The following PTPRF variants were observed in gnomAD, a reference collection of about 807,000 sequenced individuals.
PTPRF encodes the protein receptor-type tyrosine-protein phosphatase F.
A neutral mutation model predicts 201.8 loss-of-function variants in PTPRF; 59 were observed. That is an observed-to-expected ratio of 0.29 (90% CI 0.24 to 0.36). The LOEUF (loss-of-function observed/expected upper bound fraction) is 0.36, where lower values mean the gene tolerates loss of function less well. Among genes scored for constraint, PTPRF ranks in the 10% least tolerant of loss-of-function variants. PTPRF has a pLI of 1.00. For synonymous variants in PTPRF, 1,088 were observed against 1,089.7 expected (o/e 1.00, Z 0.03); for missense variants, 2,132 against 2,690.5 (o/e 0.79, Z 4.59).
intron 6 of PTPRF, among the ~76,000 whole-genome samples, chr1:43,574,101 A>G (rs1315263240): frequency 6.8e-6 from 1 of 146,540 alleles, no homozygotes. Context: ...GGTTCAAGCA[A>G]TTCTCCTGCC....
In PTPRF at chr1:43,620,450, A is replaced by G. The variant is rs777640145; in HGVS notation, c.5239-4A>G. On this transcript the variant is annotated splice_polypyrimidine_tract_variant and splice_region_variant and intron_variant, in intron 30 of 33. Coordinates refer to ENST00000359947, the MANE Select transcript of PTPRF (RefSeq NM_002840.5). ...ATTATGGGGGCCCGACCCTCTGTCC[A>G]CAGGAGAAATGCCACCAGTACTGGC... 1 of 1,610,630 alleles carries G rather than the reference A, an allele frequency of 6.2e-7. No individual in the cohort carries two copies. The highest frequency in any genetic ancestry group is 2.2e-5 in the East Asian group (1 of 44,846).
At chr1:43,533,868 G>A (rs551119968) in intron 1 of PTPRF, among the ~76,000 whole-genome samples, 24 of 152,296 alleles carry the variant, frequency 1.6e-4, no homozygotes, top group East Asian at 1.4e-3. Flanking sequence ...GCCAGACCCC[G>A]GGGTAGGCGC....
At chr1:43,600,528 G>A (rs546855606) in intron 13 of PTPRF, among the ~76,000 whole-genome samples, 6 of 151,650 alleles carry the variant, frequency 4.0e-5, no homozygotes, top group South Asian at 4.2e-4. Flanking sequence ...GGTCCCGAGC[G>A]TGGCCACAGG....
chr1:43,549,445 G>A (rs1350437550), intron 3 of PTPRF, among the ~76,000 whole-genome samples: 1 of 152,218 alleles, frequency 6.6e-6, no homozygotes, highest in Non-Finnish European at 1.5e-5. Context: ...ACACTCAAAG[G>A]CAGGGAGGAG....
upstream of PTPRF, among the ~76,000 whole-genome samples, chr1:43,524,062 A>G (rs1172615062): frequency 6.6e-6 from 1 of 150,964 alleles, no homozygotes; most frequent in Non-Finnish European, 1.5e-5. Flanking sequence ...AAAAAAAAAA[A>G]AAAAAAAAAA....
chr1:43,551,368 G>C (rs1361785673), intron 3 of PTPRF, among the ~76,000 whole-genome samples: 1 of 152,172 alleles, frequency 6.6e-6, no homozygotes, highest in Non-Finnish European at 1.5e-5. Flanking sequence ...AGGCGCAACA[G>C]AGGCCAACTT....
intron 8 of PTPRF, among the ~76,000 whole-genome samples, chr1:43,589,493 G>A (rs1650051626): frequency 6.6e-6 from 1 of 151,894 alleles, no homozygotes; most frequent in Admixed American, 6.6e-5. Context: ...AAATAGTAGG[G>A]GAAAGTGTGT....
At chr1:43,597,666 C>A in intron 11 of PTPRF, 82 bp from the exon 12 acceptor site, 1 of 1,051,294 alleles carries the variant, frequency 9.5e-7, no homozygotes, top group Non-Finnish European at 1.4e-6. Flanking sequence ...CCGGGTGAGT[C>A]TCCAGTCCAC....
At position 43,619,806 on chromosome 1, in the gene PTPRF, C is replaced by T. The variant is rs776380044; in HGVS notation, c.5059C>T (p.Arg1687Cys). Reference protein sequence around the residue: ...ELTRVCLQPIRGVEGSDYINA... With the variant: ...ELTRVCLQPICGVEGSDYINA... ...GACCCGTGTGTGTCTGCAGCCCATCCGTGGTGTGGAGGGCTCTGACTACAT... is the reference window on the plus strand; with the variant it reads ...GACCCGTGTGTGTCTGCAGCCCATCTGTGGTGTGGAGGGCTCTGACTACAT... The change falls in exon 29 of 34, where the codon CGT becomes TGT. Residue 1687 changes from arginine to cysteine, a missense_variant. Arg to Cys is a radical substitution (Grantham distance 180, BLOSUM62 -3). This residue lies in a region of PTPRF where 519 missense variants were observed against 659.5 expected (regional missense o/e 0.79). Coordinates refer to ENST00000359947, the MANE Select transcript of PTPRF (RefSeq NM_002840.5). The T allele has an allele frequency of 4.3e-6, 7 of 1,614,238 alleles. No homozygotes were observed. The highest frequency in any genetic ancestry group is 3.3e-5 in the South Asian group (3 of 91,090).
chr1:43,562,960 T>C (rs1645906181), intron 5 of PTPRF, among the ~76,000 whole-genome samples: 1 of 151,540 alleles, frequency 6.6e-6, no homozygotes, highest in Non-Finnish European at 1.5e-5. Context: ...GGCAGATCAC[T>C]TGAGGTCGGG....
At chr1:43,567,329 T>C (rs138683334) in intron 5 of PTPRF, among the ~76,000 whole-genome samples, 90 of 152,324 alleles carry the variant, frequency 5.9e-4, no homozygotes, top group African/African-American at 2.0e-3. Flanking sequence ...TCAGTCCTCT[T>C]CATTTCCGTC....
At chr1:43,572,687 G>A (rs1427153055) in intron 6 of PTPRF, among the ~76,000 whole-genome samples, 4 of 152,168 alleles carry the variant, frequency 2.6e-5, no homozygotes, top group East Asian at 3.8e-4. Flanking sequence ...TACGGTTTAC[G>A]CATCACCGAC....
In PTPRF at chr1:43,583,188, C is replaced by G. The variant is rs1293790624; in HGVS notation, c.679+4268C>G. ...AGCGGGCTCGGTCAGCTCCCTCAGG[C>G]TCACTGCGCCGTGCCTGCCTGCCAG... is the stretch of plus-strand genomic sequence containing the variant. On this transcript the variant is annotated intron_variant, in intron 7 of 33. Coordinates refer to ENST00000359947, the MANE Select transcript of PTPRF (RefSeq NM_002840.5). The G allele has an allele frequency of 8.3e-6, 7 of 845,516 alleles. No homozygotes were observed. In the East Asian group the frequency reaches 7.4e-4, roughly 89 times the overall value. The allele number at this position is 845,516 out of a possible 1,614,324, so 52.4% of individuals were successfully genotyped here.
At chr1:43,531,628 C>T (rs931322551) in intron 1 of PTPRF, among the ~76,000 whole-genome samples, 8 of 150,358 alleles carry the variant, frequency 5.3e-5, no homozygotes, top group African/African-American at 1.9e-4. Flanking sequence ...GCGGCCCCGG[C>T]GCACGTGCGG....
chr1:43,620,747 T>C, intron 31 of PTPRF, 91 bp from the exon 32 acceptor site: 1 of 1,531,778 alleles, frequency 6.5e-7, no homozygotes, highest in Non-Finnish European at 8.9e-7. Context: ...CACAGATGCA[T>C]GCCTGTATCA....
chr1:43,562,872 C>A (rs1313355504), intron 5 of PTPRF, among the ~76,000 whole-genome samples: 1 of 151,920 alleles, frequency 6.6e-6, no homozygotes, highest in African/African-American at 2.4e-5. Context: ...GATAGGGGAG[C>A]AGATCACTAG....
chr1:43,593,034 C>T (rs886483040), intron 11 of PTPRF, among the ~76,000 whole-genome samples: 17 of 152,362 alleles, frequency 1.1e-4, no homozygotes, highest in African/African-American at 4.1e-4. Context: ...ACATTCCCTT[C>T]CTCATACTCC....
intron 27 of PTPRF, 42 bp downstream of exon 27, chr1:43,619,244 G>GC: frequency 5.3e-6 from 3 of 563,414 alleles, no homozygotes; most frequent in Non-Finnish European, 1.0e-5. Context: ...GGTGGGGTGG[G>GC]AGGTGGGGGC....
At chr1:43,576,338 G>A (rs1178372327) in intron 6 of PTPRF, among the ~76,000 whole-genome samples, 3 of 152,176 alleles carry the variant, frequency 2.0e-5, no homozygotes, top group Non-Finnish European at 4.4e-5. Context: ...TCTTTTGGGG[G>A]GACCTCAATT....
Sources: gnomAD v4.1 joint callset for allele counts (sites outside exome capture counted in the v4.1 genomes callset) on GRCh38, gnomAD v4.1.1 for gene constraint, gnomAD v4.1.1 regional missense constraint, MANE v1.5 for transcripts, NCBI Gene and HGNC (gene_info 2026-07-23, HGNC 2026-07-21) for gene names.